EFL1: variants seen among roughly 807,000 people sequenced by gnomAD.
EFL1 encodes elongation factor like GTPase 1, also known as elongation factor-like GTPase 1.
In EFL1, 76 loss-of-function variants were observed where a neutral mutation model predicts 126.7. The observed-to-expected ratio is 0.60, with a 90% CI of 0.50 to 0.73. The LOEUF (loss-of-function observed/expected upper bound fraction) is 0.73, where lower values mean the gene tolerates loss of function less well. EFL1 is among the 30% of genes least tolerant of loss of function. EFL1 has a pLI of 0.00. For synonymous variants in EFL1, 410 were observed against 448.4 expected (o/e 0.91, Z 1.08); for missense variants, 1,128 against 1,343.2 (o/e 0.84, Z 2.50).
At position 82,152,119 on chromosome 15, in the gene EFL1, A is replaced by G; in HGVS notation, c.2335T>C (p.Leu779=). ...NSDLIRSMEQ[L]TSSLNEGENT... ...TCACCCTCATTCAAAGAGGATGTCA[A>G]CTGCTCCATAGAACGAATCAAATCA... The change falls in exon 18 of 20, where the codon TTG becomes CTG. Residue 779 remains leucine, a synonymous_variant. Transcript: ENST00000268206. 6.2e-7 allele frequency: 1 copy of G among 1,614,138 alleles called. No homozygotes were observed.
At chr15:82,176,179 A>C (rs1265809010) in intron 15 of EFL1, among the ~76,000 whole-genome samples, 1 of 152,196 alleles carries the variant, frequency 6.6e-6, no homozygotes, top group African/African-American at 2.4e-5. Flanking sequence ...CCTCTGTTAC[A>C]AAAACCAATG....
chr15:82,176,445 G>C (rs974147020), intron 15 of EFL1, among the ~76,000 whole-genome samples: 1 of 152,102 alleles, frequency 6.6e-6, no homozygotes, highest in Non-Finnish European at 1.5e-5. Context: ...TACCCATCCA[G>C]GGACTTTTAT....
At chr15:82,233,794 G>C (rs1312644213) in intron 7 of EFL1, 1 of 152,158 alleles carries the variant, frequency 6.6e-6, no homozygotes, top group Non-Finnish European at 1.5e-5. Context: ...CCACTGCAGA[G>C]TTTATAGAAC....
intron 15 of EFL1, among the ~76,000 whole-genome samples, chr15:82,184,542 T>C (rs1322306559): frequency 1.3e-5 from 2 of 152,184 alleles, no homozygotes; most frequent in Non-Finnish European, 2.9e-5. Context: ...ACATTTCACA[T>C]TAAAGCAGCA....
intron 8 of EFL1, among the ~76,000 whole-genome samples, chr15:82,229,491 A>G (rs928849967): frequency 6.6e-6 from 1 of 152,220 alleles, no homozygotes; most frequent in Non-Finnish European, 1.5e-5. Flanking sequence ...ATTCTTAAAC[A>G]TATTTCTAAA....
chr15:82,250,595 T>C (rs1332068989), intron 4 of EFL1, among the ~76,000 whole-genome samples: 1 of 150,742 alleles, frequency 6.6e-6, no homozygotes, highest in Non-Finnish European at 1.5e-5. Flanking sequence ...TGTACAAAGA[T>C]GAAGACATGA....
chr15:82,255,587 GCCC>G (rs1567081388), intron 3 of EFL1, among the ~76,000 whole-genome samples: 1 of 151,944 alleles, frequency 6.6e-6, no homozygotes, highest in East Asian at 1.9e-4. Flanking sequence ...AAAAATATTA[GCCC>G]ATATTATTTT....
intron 17 of EFL1, chr15:82,157,414 T>C (rs2141235177): frequency 4.6e-6 from 1 of 216,800 alleles, no homozygotes; most frequent in East Asian, 1.0e-4. Context: ...TAATATCTTG[T>C]TTTGTTGTCC....
intron 6 of EFL1, among the ~76,000 whole-genome samples, chr15:82,240,109 G>A (rs948180006): frequency 1.6e-4 from 24 of 152,256 alleles, no homozygotes; most frequent in South Asian, 6.2e-4. Context: ...AAAATTTCCT[G>A]TAACGACAGG....
At chr15:82,170,884 C>G (rs1567048959) in intron 15 of EFL1, among the ~76,000 whole-genome samples, 1 of 152,154 alleles carries the variant, frequency 6.6e-6, no homozygotes, top group Non-Finnish European at 1.5e-5. Flanking sequence ...TTAACATGTG[C>G]TGCATTCCAA....
At chr15:82,240,062 A>G (rs1209758787) in intron 6 of EFL1, among the ~76,000 whole-genome samples, 1 of 152,228 alleles carries the variant, frequency 6.6e-6, no homozygotes, top group African/African-American at 2.4e-5. Context: ...TATCTATGAA[A>G]TATTTGCTGA....
intron 7 of EFL1, among the ~76,000 whole-genome samples, chr15:82,237,896 T>C (rs2074890819): frequency 6.6e-6 from 1 of 152,142 alleles, no homozygotes; most frequent in Admixed American, 6.5e-5. Context: ...TCATGCTAAG[T>C]GAAAAAAATC....
At chr15:82,196,276 G>A (rs542578196) in intron 15 of EFL1, among the ~76,000 whole-genome samples, 2 of 152,226 alleles carry the variant, frequency 1.3e-5, no homozygotes, top group East Asian at 1.9e-4. Flanking sequence ...GGAAAGACCC[G>A]GGTTCTAGAT....
chr15:82,220,583 G>A (rs1177267240), intron 12 of EFL1, among the ~76,000 whole-genome samples: 1 of 152,218 alleles, frequency 6.6e-6, no homozygotes, highest in African/African-American at 2.4e-5. Context: ...GAACGACTCT[G>A]GCAGGGAAAC....
At chr15:82,253,691 T>C (rs1168490874) in intron 3 of EFL1, among the ~76,000 whole-genome samples, 1 of 152,192 alleles carries the variant, frequency 6.6e-6, no homozygotes, top group Non-Finnish European at 1.5e-5. Flanking sequence ...AGATTTTGAA[T>C]ACATCTTTTT....
At chr15:82,241,563 A>G (rs1319846220) in intron 4 of EFL1, among the ~76,000 whole-genome samples, 160 bp from the exon 5 acceptor site, 1 of 152,242 alleles carries the variant, frequency 6.6e-6, no homozygotes, top group East Asian at 1.9e-4. Context: ...AACTTTTCCC[A>G]CTGATGGGAC....
intron 15 of EFL1, among the ~76,000 whole-genome samples, chr15:82,190,950 C>T (rs2074352988): frequency 6.6e-6 from 1 of 151,846 alleles, no homozygotes; most frequent in Non-Finnish European, 1.5e-5. Context: ...AATATATATA[C>T]TGTGCAGGTA....
At chr15:82,159,638 CT>C (rs1406455577) in intron 16 of EFL1, among the ~76,000 whole-genome samples, 3 of 152,036 alleles carry the variant, frequency 2.0e-5, no homozygotes, top group African/African-American at 7.2e-5. Flanking sequence ...TTTTCTTAAC[CT>C]GTTCTTAAAA....
intron 18 of EFL1, among the ~76,000 whole-genome samples, chr15:82,140,231 T>C (rs1389583615): frequency 6.6e-6 from 1 of 152,208 alleles, no homozygotes; most frequent in Non-Finnish European, 1.5e-5. Flanking sequence ...TCTCATTTCT[T>C]CACTATGTGC....
Sources: gnomAD v4.1 joint callset for allele counts (sites outside exome capture counted in the v4.1 genomes callset) on GRCh38, gnomAD v4.1.1 for gene constraint, MANE v1.5 for transcripts, NCBI Gene and HGNC (gene_info 2026-07-23, HGNC 2026-07-21) for gene names.